Variants in RAP1B observed in about 807,000 individuals in gnomAD.
The protein encoded by RAP1B is RAP1B, member of RAS oncogene family, also known as ras-related protein Rap-1b.
Under a neutral mutation model 27.5 loss-of-function variants are expected in RAP1B, and 1 was observed. The observed-to-expected ratio is 0.04, with a 90% CI of 0.01 to 0.17. RAP1B has a LOEUF of 0.17. Ranked by LOEUF, RAP1B falls within the 10% of genes least tolerant of loss-of-function variation. RAP1B has a pLI of 1.00. For synonymous variants in RAP1B, 75 were observed against 73.1 expected, an observed-to-expected ratio of 1.03 and a Z score of -0.13; for missense variants, 84 against 214.8, an observed-to-expected ratio of 0.39 and a Z score of 3.81.
At chr12:68,645,817 A>G (rs905258847) in intron 1 of RAP1B, among the ~76,000 whole-genome samples, 22 of 152,252 alleles carry the variant, frequency 1.4e-4, no homozygotes, top group African/African-American at 3.1e-4. Flanking sequence ...AATCTTGACT[A>G]TTGTACTGTT....
In RAP1B at chr12:68,621,130, A is replaced by C. The variant is rs75956662; in HGVS notation, c.-27+10087A>C. Among the ~76,000 whole-genome samples the C allele has an allele frequency of 3.5e-3, 533 of 152,324 alleles. 21 individuals carry two copies. In the East Asian group the frequency reaches 0.096, roughly 28 times the overall value. On this transcript the variant is annotated intron_variant, in intron 1 of 7. Coordinates refer to ENST00000250559, the MANE Select transcript of RAP1B (RefSeq NM_001010942.3). ...AGAAAAAGGTTTAGGGAAGGAATAC[A>C]TGTGAAAATGCTAACTTCAGGGTAG...
intron 4 of RAP1B, 96 bp from the exon 5 acceptor site, chr12:68,654,016 G>A: frequency 1.9e-6 from 2 of 1,025,986 alleles, no homozygotes; most frequent in South Asian, 1.5e-5. Context: ...TAATACTACA[G>A]TATTCTTCAT....
intron 1 of RAP1B, among the ~76,000 whole-genome samples, chr12:68,619,492 C>G (rs1246271139): frequency 6.6e-6 from 1 of 152,052 alleles, no homozygotes; most frequent in Non-Finnish European, 1.5e-5. Flanking sequence ...GTCAGCTAGA[C>G]CAATGGATTT....
intron 1 of RAP1B, chr12:68,642,410 T>A: frequency 1.8e-6 from 1 of 547,756 alleles, no homozygotes; most frequent in East Asian, 3.3e-5. Flanking sequence ...ATTGGCTAAT[T>A]TACTGTGCCT....
chr12:68,642,584 G>C, intron 1 of RAP1B: 1 of 1,062,912 alleles, frequency 9.4e-7, no homozygotes, highest in Non-Finnish European at 1.5e-6. Context: ...TTCTGGGAAA[G>C]CTTCGTTCAA....
chr12:68,652,748 G>A (rs1380454726), intron 4 of RAP1B, among the ~76,000 whole-genome samples: 1 of 152,180 alleles, frequency 6.6e-6, no homozygotes, highest in African/African-American at 2.4e-5. Flanking sequence ...AACCCGGGAG[G>A]CGGAGGAAGT....
chr12:68,644,894 GCTGGTCTTGAACTTCTGACCAGC>G (rs1484698189), intron 1 of RAP1B, among the ~76,000 whole-genome samples: 1 of 151,778 alleles, frequency 6.6e-6, no homozygotes, highest in East Asian at 2.0e-4. Context: ...TGTTGGCCAG[GCTGGTCTTGAACTTCTGACCAGC>G]CTGGTCCAGC....
intron 1 of RAP1B, among the ~76,000 whole-genome samples, chr12:68,647,273 G>A (rs1043644268): frequency 2.0e-5 from 3 of 148,910 alleles, no homozygotes; most frequent in Non-Finnish European, 4.5e-5. Context: ...GGTGGCTCAC[G>A]CCTGTAATCC....
chr12:68,627,690 AG>A, intron 1 of RAP1B, among the ~76,000 whole-genome samples: 1 of 152,304 alleles, frequency 6.6e-6, no homozygotes, highest in African/African-American at 2.4e-5. Flanking sequence ...CCTAACTAAA[AG>A]CGTCTTTTAT....
intron 4 of RAP1B, among the ~76,000 whole-genome samples, chr12:68,652,552 C>T (rs559177149): frequency 1.3e-5 from 2 of 152,266 alleles, no homozygotes; most frequent in South Asian, 4.1e-4. Context: ...CAGTGGCTCA[C>T]GCCTGTAATC....
chr12:68,656,672 G>A, intron 6 of RAP1B: 1 of 578,716 alleles, frequency 1.7e-6, no homozygotes, highest in African/African-American at 1.9e-5. Context: ...GAAAAAGGAA[G>A]ACTGGACAGA....
chr12:68,644,520 G>C (rs1460383303), intron 1 of RAP1B, among the ~76,000 whole-genome samples: 1 of 151,248 alleles, frequency 6.6e-6, no homozygotes, highest in South Asian at 2.1e-4. Flanking sequence ...GGAGGCGGAG[G>C]TTGCAGTGAG....
intron 1 of RAP1B, among the ~76,000 whole-genome samples, chr12:68,615,654 ATCTG>A (rs915372980): frequency 9.9e-5 from 15 of 152,128 alleles, no homozygotes; most frequent in African/African-American, 3.4e-4. Context: ...TGAGTTACAA[ATCTG>A]TCTCTCTGAC....
At chr12:68,649,939 C>T (rs1873691784) in intron 2 of RAP1B, 1 of 153,128 alleles carries the variant, frequency 6.5e-6, no homozygotes, top group South Asian at 2.1e-4. Flanking sequence ...ATAGTGAAAC[C>T]CCGTCTCTAC....
intron 1 of RAP1B, among the ~76,000 whole-genome samples, chr12:68,642,058 T>C (rs1037420256): frequency 6.6e-6 from 1 of 152,222 alleles, no homozygotes; most frequent in South Asian, 2.1e-4. Context: ...CTTTTCTGTT[T>C]AACGCGTTGA....
rs1592419815 is a variant in RAP1B, at chr12:68,618,239, A to G, written c.-27+7196A>G. On this transcript the variant is annotated intron_variant, in intron 1 of 7. Transcript: ENST00000250559. ...GTAGCTGGGATTACAGGCATGCGCC[A>G]CCACGCCTGGCTAATTTTTTTTGTA... 2.0e-5 allele frequency among the ~76,000 whole-genome samples: 3 copies of G among 151,724 alleles called. No homozygotes were observed. The East Asian group carries it at 5.8e-4, about 29-fold the overall frequency.
intron 1 of RAP1B, among the ~76,000 whole-genome samples, chr12:68,628,827 G>C (rs1658068105): frequency 6.6e-6 from 1 of 152,124 alleles, no homozygotes. Context: ...GTCCTTGATA[G>C]TCATCTGTGG....
At chr12:68,659,140 T>C (rs1464822643) in intron 7 of RAP1B, 140 bp from the exon 8 acceptor site, 3 of 377,490 alleles carry the variant, frequency 7.9e-6, no homozygotes, top group African/African-American at 6.4e-5. Context: ...TGTGGTATGT[T>C]GCCACTAATG....
Position 68,650,356 on chromosome 12 carries a change from CTCTTT to C in RAP1B, c.58-38_58-34del, listed in dbSNP as rs1053256981. ...ACAATTACATTAAAGATTGAATGTA[CTCTTT>C]TCTTTAGAAGTATAATGGTTTCTTA... On this transcript the variant is annotated intron_variant, in intron 2 of 7. Coordinates refer to ENST00000250559, the MANE Select transcript of RAP1B (RefSeq NM_001010942.3). 2.1e-6 allele frequency: 3 copies of C among 1,436,384 alleles called. No homozygotes were observed. In the African/African-American group the frequency reaches 4.4e-5, roughly 21 times the overall value. The allele number at this position is 1,436,384 out of a possible 1,614,324, so 89.0% of individuals were successfully genotyped here.
Sources: allele counts gnomAD v4.1 joint callset (sites outside exome capture counted in the v4.1 genomes callset), GRCh38; gene constraint gnomAD v4.1.1; transcripts MANE v1.5; gene names NCBI Gene and HGNC (gene_info 2026-07-23, HGNC 2026-07-21).